AFAP1L2: variants seen among roughly 807,000 people sequenced by gnomAD.
The protein encoded by AFAP1L2 is actin filament-associated protein 1-like 2.
AFAP1L2 carries 46 observed loss-of-function variants against 99.3 expected under a neutral mutation model. The observed-to-expected ratio is 0.46, with a 90% CI of 0.37 to 0.59. The LOEUF (loss-of-function observed/expected upper bound fraction) is 0.59. AFAP1L2 is among the 20% of genes least tolerant of loss of function. The pLI is 0.00. For missense variants in AFAP1L2, 959 were observed against 1,034.9 expected, an observed-to-expected ratio of 0.93 and a Z score of 1.01; for synonymous variants, 397 against 419.1, an observed-to-expected ratio of 0.95 and a Z score of 0.64.
At chr10:114,286,192 T>C in the AFAP1L2 span, 7 of 1,613,890 alleles carry the variant, frequency 4.3e-6, no homozygotes, top group Admixed American at 1.7e-5. Flanking sequence ...CCTTCCGTGG[T>C]GGCCCCACCC....
rs1461368229 is a variant in AFAP1L2, at chr10:114,306,256, G to A, written c.1073-1326C>T. 5.5e-5 allele frequency among the ~76,000 whole-genome samples: 3 copies of A among 54,924 alleles called. No individual in the cohort carries two copies. The East Asian group carries it at 2.2e-3, about 41-fold the overall frequency. The allele number at this position is 54,924 out of a possible 152,430, so 36.0% of individuals were successfully genotyped here. A position where few individuals can be genotyped will look rare whatever the true frequency, so the allele number is the denominator to read the frequency against. ...GGGGGTGCACGTACAGGACTGGTCG[G>A]GGCTGCAGGAGGGGACGCAGATGCA... On this transcript the variant is annotated intron_variant, in intron 10 of 18. Coordinates refer to ENST00000304129, the MANE Select transcript of AFAP1L2 (RefSeq NM_001001936.3).
chr10:114,378,546 G>A (rs563883499), intron 1 of AFAP1L2, among the ~76,000 whole-genome samples: 19 of 152,312 alleles, frequency 1.2e-4, no homozygotes, highest in Admixed American at 3.9e-4. Flanking sequence ...TAATTTCTGC[G>A]TGAGAAATGG....
chr10:114,351,049 C>T (rs986432842), intron 1 of AFAP1L2, among the ~76,000 whole-genome samples: 7 of 152,160 alleles, frequency 4.6e-5, no homozygotes, highest in African/African-American at 4.8e-5. Context: ...TATCTCCCTG[C>T]GCGGCAAGTC....
intron 6 of AFAP1L2, among the ~76,000 whole-genome samples, chr10:114,315,292 A>G (rs636863): frequency 0.95 from 143,198 of 151,492 alleles, 67,869 homozygotes; most frequent in East Asian, 1. Context: ...AAAGAGGAGG[A>G]TGGGATGGGG....
chr10:114,404,815 ACT>A (rs2058571583), upstream of AFAP1L2: 1 of 228,974 alleles, frequency 4.4e-6, no homozygotes, highest in Non-Finnish European at 8.4e-6. Flanking sequence ...ACGTTCCCAA[ACT>A]CTGGGGGAGG....
At chr10:114,332,408 G>A (rs1272965414) in intron 3 of AFAP1L2, among the ~76,000 whole-genome samples, 4 of 152,236 alleles carry the variant, frequency 2.6e-5, no homozygotes, top group Non-Finnish European at 5.9e-5. Context: ...AAGGAAAGGT[G>A]CCGAAGACAC....
chr10:114,290,530 G>A (rs1280755984), downstream of AFAP1L2, among the ~76,000 whole-genome samples: 1 of 152,226 alleles, frequency 6.6e-6, no homozygotes, highest in African/African-American at 2.4e-5. Context: ...CTGCATCCCA[G>A]GCATTGTTCT....
chr10:114,403,836 GC>G, intron 1 of AFAP1L2, among the ~76,000 whole-genome samples: 1 of 152,162 alleles, frequency 6.6e-6, no homozygotes. Flanking sequence ...ACTCCATTCG[GC>G]CCCCGACCCT....
chr10:114,327,173 A>ATATATATATTT (rs1491191152), intron 4 of AFAP1L2, among the ~76,000 whole-genome samples: 2 of 18,700 alleles, frequency 1.1e-4, no homozygotes, highest in African/African-American at 2.3e-4. Flanking sequence ...ATATATATAT[A>ATATATATATTT]TTTTTTTTTT....
At chr10:114,404,612 G>A (rs1196336248), upstream of AFAP1L2, 7 of 1,104,596 alleles carry the variant, frequency 6.3e-6, no homozygotes, top group Non-Finnish European at 8.1e-6. Context: ...CTCGGACCTG[G>A]CCCCCGCCAG....
intron 5 of AFAP1L2, chr10:114,319,593 G>A (rs560658437): frequency 1.5e-5 from 19 of 1,289,632 alleles, no homozygotes; most frequent in Middle Eastern, 2.1e-4. Context: ...TGACTCCTTC[G>A]GGCACCTGCA....
Position 114,310,371 on chromosome 10 carries a change from G to A in AFAP1L2, c.865C>T (p.Arg289Cys), listed in dbSNP as rs372044850. 19 of 1,613,360 alleles carry A rather than the reference G, an allele frequency of 1.2e-5. No individual in the cohort carries two copies. The highest frequency in any genetic ancestry group is 5.5e-5 in the South Asian group (5 of 90,998). The change falls in exon 8 of 19, where the codon CGC becomes TGC. Residue 289 changes from arginine to cysteine, a missense_variant. Arg to Cys is a radical substitution (Grantham distance 180). Coordinates refer to ENST00000304129, the MANE Select transcript of AFAP1L2 (RefSeq NM_001001936.3). ...EGNQYTPDAQ[R>C]FNCQKPDIAE... ...AGGCTTACTTTCTGGCAGTTAAAGC[G>A]CTGGGCATCCGGGGTGTACTGGTTT... is the stretch of plus-strand genomic sequence containing the variant.
In AFAP1L2 at chr10:114,379,352, C is replaced by G. The variant is rs908883441; in HGVS notation, c.16+25088G>C. Among the ~76,000 whole-genome samples the G allele has an allele frequency of 3.3e-5, 5 of 151,586 alleles. No individual in the cohort carries two copies. The South Asian group carries it at 1.0e-3, about 32-fold the overall frequency. ...CAGCAGATAAAGAAGTGACTACCTA[C>G]CCAGCTCCTCCCCCACAGTGATGTC... On this transcript the variant is annotated intron_variant, in intron 1 of 18. Transcript: ENST00000304129.
At chr10:114,318,132 G>T (rs965638562) in intron 5 of AFAP1L2, among the ~76,000 whole-genome samples, 11 of 152,236 alleles carry the variant, frequency 7.2e-5, no homozygotes, top group Non-Finnish European at 1.6e-4. Context: ...TAGTTGATTT[G>T]ATGGGTAGTA....
At chr10:114,395,561 C>A (rs892045435) in intron 1 of AFAP1L2, among the ~76,000 whole-genome samples, 10 of 152,102 alleles carry the variant, frequency 6.6e-5, no homozygotes, top group South Asian at 2.1e-4. Flanking sequence ...CTCCCCCCAT[C>A]TGGGGACTTG....
In AFAP1L2 at chr10:114,384,005, C is replaced by A. The variant is rs565296843; in HGVS notation, c.16+20435G>T. Reference sequence around the variant, plus strand: ...CCTTCCGGTCCTGCCCCTAGCGCTTCTCCCTTGGCCCCAGTGCCCTTGTCC... The same window carrying A: ...CCTTCCGGTCCTGCCCCTAGCGCTTATCCCTTGGCCCCAGTGCCCTTGTCC... On this transcript the variant is annotated intron_variant, in intron 1 of 18. Coordinates refer to ENST00000304129, the MANE Select transcript of AFAP1L2 (RefSeq NM_001001936.3). Among the ~76,000 whole-genome samples the A allele has an allele frequency of 6.6e-5, 10 of 152,342 alleles. No individual in the cohort carries two copies. In the South Asian group the frequency reaches 2.1e-3, roughly 32 times the overall value.
the AFAP1L2 span, chr10:114,286,607 T>TAGAAGAGGCAC: frequency 9.3e-7 from 1 of 1,075,312 alleles, no homozygotes; most frequent in Middle Eastern, 2.7e-4. Context: ...CCAGTGCCTC[T>TAGAAGAGGCAC]TCTAGGGGCT....
At chr10:114,315,530 G>A (rs372608400) in intron 6 of AFAP1L2, 30 bp downstream of exon 6, 46 of 1,609,240 alleles carry the variant, frequency 2.9e-5, no homozygotes, top group Admixed American at 1.0e-4. Context: ...GAGAGGAGTC[G>A]GGGGACAAGA....
chr10:114,362,635 C>T (rs1381502849), intron 1 of AFAP1L2, among the ~76,000 whole-genome samples: 4 of 152,100 alleles, frequency 2.6e-5, no homozygotes, highest in South Asian at 4.2e-4. Context: ...GAATAAATTC[C>T]ACCTGTTTTA....
Sources: allele counts gnomAD v4.1 joint callset (sites outside exome capture counted in the v4.1 genomes callset), GRCh38; gene constraint gnomAD v4.1.1; transcripts MANE v1.5; gene names NCBI Gene and HGNC (gene_info 2026-07-23, HGNC 2026-07-21).